The following STIM2 variants were observed in gnomAD, a reference collection of about 807,000 sequenced individuals.
STIM2 encodes the protein stromal interaction molecule 2.
In STIM2, 31 loss-of-function variants were observed where a neutral mutation model predicts 85.8. The ratio of observed to expected loss-of-function variants is 0.36; its 90% confidence interval spans 0.27 to 0.49. The LOEUF (loss-of-function observed/expected upper bound fraction) is 0.49, where lower values mean the gene tolerates loss of function less well. Among genes scored for constraint, STIM2 ranks in the 20% least tolerant of loss-of-function variants. The probability of loss-of-function intolerance (pLI) is 0.98; values close to 1 mark genes in which losing one functional copy is unlikely to be tolerated. For synonymous variants in STIM2, 356 were observed against 331.1 expected, an observed-to-expected ratio of 1.08 and a Z score of -0.82; for missense variants, 841 against 927.6, an observed-to-expected ratio of 0.91 and a Z score of 1.21.
chr4:26,887,515 C>T (rs1389607714), intron 1 of STIM2, among the ~76,000 whole-genome samples: 2 of 152,040 alleles, frequency 1.3e-5, no homozygotes, highest in Non-Finnish European at 1.5e-5. Flanking sequence ...AACAACTTTT[C>T]CATTAGTAGG....
In STIM2 at chr4:26,963,314, A is replaced by G. The variant is rs930157888; in HGVS notation, c.397+5588A>G. ...AGATTTTTCTTCTGGGTATGAAAGTATAAAGGGATTTCTAAATGTTGATAA... is the reference window on the plus strand; with the variant it reads ...AGATTTTTCTTCTGGGTATGAAAGTGTAAAGGGATTTCTAAATGTTGATAA... On this transcript the variant is annotated intron_variant, in intron 3 of 11. Transcript: ENST00000467087. 3.9e-5 allele frequency among the ~76,000 whole-genome samples: 6 copies of G among 152,316 alleles called. No homozygotes were observed. The South Asian group carries it at 6.2e-4, about 16-fold the overall frequency.
intron 2 of STIM2, among the ~76,000 whole-genome samples, chr4:26,941,247 T>G (rs1725599983): frequency 6.6e-6 from 1 of 152,194 alleles, no homozygotes; most frequent in South Asian, 2.1e-4. Context: ...TAAGATTAAT[T>G]TAAAGATTTA....
At chr4:26,865,146 A>G (rs938985345) in intron 1 of STIM2, among the ~76,000 whole-genome samples, 4 of 152,076 alleles carry the variant, frequency 2.6e-5, no homozygotes, top group African/African-American at 9.7e-5. Context: ...TTTCCCCTTT[A>G]GTATCATTAC....
At chr4:26,918,722 C>T (rs1398997612) in intron 1 of STIM2, among the ~76,000 whole-genome samples, 1 of 152,064 alleles carries the variant, frequency 6.6e-6, no homozygotes, top group Non-Finnish European at 1.5e-5. Context: ...TAGTTATGTG[C>T]ACAGGAAGTA....
At chr4:26,950,088 C>A (rs1258822821) in intron 2 of STIM2, among the ~76,000 whole-genome samples, 1 of 152,086 alleles carries the variant, frequency 6.6e-6, no homozygotes, top group Non-Finnish European at 1.5e-5. Flanking sequence ...CCTGGCCTTC[C>A]ATATAACACA....
intron 3 of STIM2, among the ~76,000 whole-genome samples, chr4:26,983,246 T>C (rs1727465171): frequency 6.6e-6 from 1 of 152,256 alleles, no homozygotes; most frequent in Non-Finnish European, 1.5e-5. Flanking sequence ...TATTCACATT[T>C]TGCCTTTCTC....
intron 1 of STIM2, among the ~76,000 whole-genome samples, chr4:26,881,947 TA>T (rs1230105402): frequency 6.6e-6 from 1 of 152,240 alleles, no homozygotes; most frequent in African/African-American, 2.4e-5. Context: ...TTTTACGGTT[TA>T]AAAAATATCT....
intron 3 of STIM2, among the ~76,000 whole-genome samples, chr4:26,982,165 A>G (rs894029895): frequency 1.3e-5 from 2 of 152,204 alleles, no homozygotes; most frequent in Admixed American, 6.5e-5. Flanking sequence ...AGAGAATTAA[A>G]CAGAGTGTAT....
At chr4:26,997,496 C>T (rs1313546796) in intron 4 of STIM2, among the ~76,000 whole-genome samples, 3 of 152,212 alleles carry the variant, frequency 2.0e-5, no homozygotes, top group African/African-American at 7.2e-5. Context: ...GTGGCCTTCC[C>T]TGACACCCTC....
chr4:26,963,416 G>A (rs1395329356), intron 3 of STIM2, among the ~76,000 whole-genome samples: 1 of 152,078 alleles, frequency 6.6e-6, no homozygotes, highest in Non-Finnish European at 1.5e-5. Flanking sequence ...AGAAAAGTGT[G>A]TATTGTTTAG....
chr4:27,008,615 A>C, intron 9 of STIM2, 87 bp downstream of exon 9: 1 of 1,111,202 alleles, frequency 9.0e-7, no homozygotes, highest in East Asian at 2.6e-5. Context: ...TATCATTTAT[A>C]TAATTACATA....
chr4:26,947,280 G>T (rs1443715887), intron 2 of STIM2, among the ~76,000 whole-genome samples: 4 of 151,978 alleles, frequency 2.6e-5, no homozygotes, highest in African/African-American at 7.3e-5. Context: ...ATTAAAATAA[G>T]TATGGAATAA....
chr4:26,983,946 A>C (rs943894216), intron 3 of STIM2, among the ~76,000 whole-genome samples: 1 of 152,240 alleles, frequency 6.6e-6, no homozygotes, highest in African/African-American at 2.4e-5. Context: ...TTCAAATTCT[A>C]AGAGAAAAAA....
At position 26,861,274 on chromosome 4, in the gene STIM2, C is replaced by G. The variant is rs754897368; in HGVS notation, c.56C>G (p.Pro19Arg). The G allele has an allele frequency of 4.2e-5, 61 of 1,464,824 alleles. No homozygotes were observed. The highest frequency in any genetic ancestry group is 5.0e-5 in the Non-Finnish European group (56 of 1,113,150). 90.7% of individuals were successfully genotyped at this position (1,464,824 alleles called of 1,614,324 possible). The stretch of plus-strand genomic sequence containing the variant: ...GCGGCGGACGGATGCGAGCTTGTGC[C>G]CCGGCACCTCCGCGGGCGGCGGGCG... Residue 19 changes from proline (P) to arginine (R), a missense_variant, in exon 1 of 12, where the codon CCC becomes CGC. By Grantham distance (103) the Pro-to-Arg change is moderately radical (BLOSUM62 -2). Transcript: ENST00000467087.
intron 3 of STIM2, among the ~76,000 whole-genome samples, chr4:26,972,652 T>C (rs983364413): frequency 2.4e-4 from 36 of 152,252 alleles, no homozygotes; most frequent in Admixed American, 7.2e-4. Context: ...CAGTATTTTA[T>C]TGAGGATTTT....
chr4:26,940,017 G>A (rs1725542531), intron 2 of STIM2, among the ~76,000 whole-genome samples: 1 of 152,162 alleles, frequency 6.6e-6, no homozygotes, highest in East Asian at 1.9e-4. Context: ...AAAGCTCTGC[G>A]TAGAGTCGTT....
chr4:27,009,844 T>C (rs1224943350), intron 10 of STIM2, among the ~76,000 whole-genome samples: 1 of 152,240 alleles, frequency 6.6e-6, no homozygotes, highest in Non-Finnish European at 1.5e-5. Flanking sequence ...GCAACACTGA[T>C]TCATAAGTAC....
intron 1 of STIM2, among the ~76,000 whole-genome samples, chr4:26,887,290 T>C (rs1163570428): frequency 3.3e-5 from 5 of 151,790 alleles, no homozygotes; most frequent in African/African-American, 4.8e-5. Context: ...GATGTTGCTT[T>C]CATTTTCTAC....
At chr4:26,999,691 T>A (rs1728076692) in intron 5 of STIM2, among the ~76,000 whole-genome samples, 1 of 152,174 alleles carries the variant, frequency 6.6e-6, no homozygotes, top group African/African-American at 2.4e-5. Flanking sequence ...TCTTAAAAAA[T>A]AATATAGTCT....
Sources: allele counts gnomAD v4.1 joint callset (sites outside exome capture counted in the v4.1 genomes callset), GRCh38; gene constraint gnomAD v4.1.1; transcripts MANE v1.5; gene names NCBI Gene and HGNC (gene_info 2026-07-23, HGNC 2026-07-21).